GULP1: variants seen among roughly 807,000 people sequenced by gnomAD.
GULP1 encodes GULP PTB domain containing engulfment adaptor 1, also known as PTB domain-containing engulfment adapter protein 1.
GULP1 carries 19 observed loss-of-function variants against 40.9 expected under a neutral mutation model. That is an observed-to-expected ratio of 0.46 (90% CI 0.32 to 0.68). The LOEUF (loss-of-function observed/expected upper bound fraction) is 0.68, where lower values mean the gene tolerates loss of function less well. GULP1 is among the 30% of genes least tolerant of loss of function. The probability of loss-of-function intolerance (pLI) is 0.03; values close to 1 mark genes in which losing one functional copy is unlikely to be tolerated. For synonymous variants in GULP1, 119 were observed against 117.6 expected, an observed-to-expected ratio of 1.01 and a Z score of -0.08; for missense variants, 312 against 362.2, an observed-to-expected ratio of 0.86 and a Z score of 1.12.
Position 188,307,784 on chromosome 2 carries a change from G to T in GULP1, c.-172+15618G>T, listed in dbSNP as rs182447729. On this transcript the variant is annotated intron_variant, in intron 1 of 11. Transcript: ENST00000409830. ...GCTGTGGTGTATAGCCATTGATTTA[G>T]GTGTATTTACTGATATGGGAGCAGG... Among the ~76,000 whole-genome samples, 50 of 152,220 alleles carry T rather than the reference G, an allele frequency of 3.3e-4. 1 individual carries two copies. The highest frequency in any genetic ancestry group is 9.9e-4 in the African/African-American group (41 of 41,550).
rs558143203 is a variant in GULP1 at position 188,303,930 on chromosome 2, G to C, written c.-172+11764G>C. ...GTGCTGCAATTCTCAGAGGATTACT[G>C]TTCTTTTGGAAATGATTGTTTAGAG... On this transcript the variant is annotated intron_variant, in intron 1 of 11. Transcript: ENST00000409830. 2.0e-5 allele frequency among the ~76,000 whole-genome samples: 3 copies of C among 152,256 alleles called. No homozygotes were observed. In the East Asian group the frequency reaches 5.8e-4, roughly 29 times the overall value.
intron 2 of GULP1, among the ~76,000 whole-genome samples, chr2:188,471,303 C>T (rs1351011594): frequency 1.3e-5 from 2 of 152,004 alleles, no homozygotes; most frequent in African/African-American, 2.4e-5. Context: ...ACCGCCCACC[C>T]GCCCCACCTT....
At chr2:188,451,367 G>GA (rs146006614) in intron 2 of GULP1, among the ~76,000 whole-genome samples, 15 of 150,218 alleles carry the variant, frequency 1.0e-4, no homozygotes, top group South Asian at 6.3e-4. Flanking sequence ...ATGTTAATAG[G>GA]AAAAAAAAAG....
At chr2:188,578,536 A>T (rs545087261) in intron 9 of GULP1, among the ~76,000 whole-genome samples, 8 of 139,396 alleles carry the variant, frequency 5.7e-5, no homozygotes, top group South Asian at 2.2e-4. Context: ...AAAGTAAAAT[A>T]AAAAAAAAAA....
At chr2:188,355,410 AAAC>A in intron 1 of GULP1, among the ~76,000 whole-genome samples, 1 of 152,204 alleles carries the variant, frequency 6.6e-6, no homozygotes, top group African/African-American at 2.4e-5. Context: ...AACAGTATGC[AAAC>A]AACTTGGAAA....
intron 2 of GULP1, among the ~76,000 whole-genome samples, chr2:188,422,692 AG>A (rs1171626919): frequency 6.6e-6 from 1 of 152,102 alleles, no homozygotes; most frequent in East Asian, 1.9e-4. Flanking sequence ...TTTAAATTCA[AG>A]TGGGAATTTT....
Position 188,483,500 on chromosome 2 carries a change from T to G in GULP1, c.90+8T>G, listed in dbSNP as rs761256116. On this transcript the variant is annotated splice_region_variant and intron_variant, in intron 4 of 11. Transcript: ENST00000409830. ...ATTCCCTATAATGCAAAGGTAAAAA[T>G]AGTTCATTTATTATTTAATTTTATT... The G allele has an allele frequency of 2.5e-6, 3 of 1,204,512 alleles. No individual in the cohort carries two copies. The Admixed American group carries it at 5.4e-5, about 22-fold the overall frequency. 74.6% of individuals were successfully genotyped at this position (1,204,512 alleles called of 1,614,324 possible).
intron 4 of GULP1, among the ~76,000 whole-genome samples, chr2:188,489,923 A>G (rs1277870869): frequency 6.6e-6 from 1 of 152,124 alleles, no homozygotes; most frequent in East Asian, 1.9e-4. Context: ...AATACCTAAC[A>G]TTGCATGGCT....
intron 4 of GULP1, among the ~76,000 whole-genome samples, chr2:188,514,536 A>AT (rs1206320328): frequency 6.6e-6 from 1 of 152,202 alleles, no homozygotes; most frequent in Non-Finnish European, 1.5e-5. Flanking sequence ...GACAACACAT[A>AT]ACTTTTTTCT....
intron 2 of GULP1, among the ~76,000 whole-genome samples, chr2:188,416,164 C>G (rs1057499043): frequency 6.6e-6 from 1 of 151,322 alleles, no homozygotes; most frequent in African/African-American, 2.4e-5. Flanking sequence ...TTCTTTCTTC[C>G]CCTCTCTCTT....
intron 1 of GULP1, among the ~76,000 whole-genome samples, chr2:188,381,907 A>G (rs933334522): frequency 5.3e-5 from 8 of 152,208 alleles, no homozygotes; most frequent in Non-Finnish European, 7.3e-5. Flanking sequence ...TGTCATTCAT[A>G]CATGCTAAGA....
At chr2:188,385,271 C>T (rs553648563) in intron 2 of GULP1, among the ~76,000 whole-genome samples, 11 of 152,262 alleles carry the variant, frequency 7.2e-5, no homozygotes, top group Admixed American at 2.0e-4. Flanking sequence ...AGGCTCAATA[C>T]CATGTGGAAG....
intron 4 of GULP1, among the ~76,000 whole-genome samples, chr2:188,497,356 G>C (rs2153125909): frequency 6.6e-6 from 1 of 151,942 alleles, no homozygotes; most frequent in East Asian, 1.9e-4. Context: ...TATAGTAAAT[G>C]GTCCAAACAA....
At chr2:188,444,012 T>A (rs564449652) in intron 2 of GULP1, among the ~76,000 whole-genome samples, 1 of 152,168 alleles carries the variant, frequency 6.6e-6, no homozygotes, top group Admixed American at 6.5e-5. Context: ...CACTGTGGCA[T>A]CCTATTTTCT....
intron 6 of GULP1, among the ~76,000 whole-genome samples, chr2:188,538,462 A>G (rs1356813063): frequency 6.6e-6 from 1 of 152,120 alleles, no homozygotes; most frequent in African/African-American, 2.4e-5. Flanking sequence ...TCCTTGAGAT[A>G]TTTTATACAT....
At chr2:188,584,658 A>G (rs1702000026) in intron 10 of GULP1, among the ~76,000 whole-genome samples, 2 of 151,996 alleles carry the variant, frequency 1.3e-5, no homozygotes, top group South Asian at 2.1e-4. Flanking sequence ...ATTACTTCAT[A>G]TTTAATTATA....
intron 1 of GULP1, among the ~76,000 whole-genome samples, chr2:188,383,365 T>A (rs1015675582): frequency 7.9e-5 from 12 of 152,246 alleles, no homozygotes; most frequent in Non-Finnish European, 1.8e-4. Context: ...CTTCTAAAAT[T>A]CAGTTTCACC....
At chr2:188,555,738 G>T (rs1449805219) in intron 7 of GULP1, among the ~76,000 whole-genome samples, 2 of 151,996 alleles carry the variant, frequency 1.3e-5, no homozygotes, top group African/African-American at 4.8e-5. Flanking sequence ...TCAGTAAGTG[G>T]ATATTTATAT....
intron 1 of GULP1, among the ~76,000 whole-genome samples, chr2:188,381,764 A>G (rs1024859160): frequency 6.6e-6 from 1 of 152,152 alleles, no homozygotes; most frequent in African/African-American, 2.4e-5. Context: ...AAATTATGAC[A>G]TGGTTTTATA....
Sources: allele counts gnomAD v4.1 joint callset (sites outside exome capture counted in the v4.1 genomes callset), GRCh38; gene constraint gnomAD v4.1.1; transcripts MANE v1.5; gene names NCBI Gene and HGNC (gene_info 2026-07-23, HGNC 2026-07-21).